Variants in ATRNL1 observed in about 807,000 individuals in gnomAD.
ATRNL1 encodes the protein attractin-like protein 1.
Under a neutral mutation model 182.7 loss-of-function variants are expected in ATRNL1, and 95 were observed. That is an observed-to-expected ratio of 0.52 (90% CI 0.44 to 0.62). The LOEUF (loss-of-function observed/expected upper bound fraction) is 0.62. Among genes scored for constraint, ATRNL1 ranks in the 20% least tolerant of loss-of-function variants. The probability of loss-of-function intolerance (pLI) is 0.00; values close to 1 mark genes in which losing one functional copy is unlikely to be tolerated. For synonymous variants in ATRNL1, 576 were observed against 568.3 expected (o/e 1.01, Z -0.19); for missense variants, 1,471 against 1,679.5 (o/e 0.88, Z 2.17).
intron 10 of ATRNL1, among the ~76,000 whole-genome samples, chr10:115,245,939 C>G (rs909643472): frequency 2.6e-5 from 4 of 152,064 alleles, no homozygotes; most frequent in African/African-American, 9.7e-5. Context: ...AGCCAACTGT[C>G]GACTGTTTTA....
intron 15 of ATRNL1, 34 bp from the exon 16 acceptor site, chr10:115,300,000 T>G: frequency 6.6e-7 from 1 of 1,512,096 alleles, no homozygotes; most frequent in Non-Finnish European, 9.1e-7. Context: ...TACATCTAAC[T>G]TTCTTTGAAT....
At chr10:115,291,727 A>G (rs1852913916) in intron 15 of ATRNL1, among the ~76,000 whole-genome samples, 2 of 144,986 alleles carry the variant, frequency 1.4e-5, no homozygotes, top group African/African-American at 5.1e-5. Context: ...CATGGTGTGT[A>G]TTGTTCTGAT....
At chr10:115,357,396 A>T (rs1286892899) in intron 19 of ATRNL1, among the ~76,000 whole-genome samples, 1 of 151,910 alleles carries the variant, frequency 6.6e-6, no homozygotes, top group Non-Finnish European at 1.5e-5. Flanking sequence ...ATTTGGACAC[A>T]CACTTTTGCA....
At chr10:115,904,598 A>C (rs1316474325) in intron 28 of ATRNL1, among the ~76,000 whole-genome samples, 1 of 152,198 alleles carries the variant, frequency 6.6e-6, no homozygotes, top group African/African-American at 2.4e-5. Context: ...CAAGGCTCAA[A>C]ATCTATTTCC....
chr10:115,933,480 A>G (rs1322950317), intron 28 of ATRNL1, among the ~76,000 whole-genome samples: 2 of 152,082 alleles, frequency 1.3e-5, no homozygotes, highest in Non-Finnish European at 2.9e-5. Flanking sequence ...GTGGCAGCCC[A>G]CTCTGCTGCC....
At chr10:115,518,044 A>G (rs1249882269) in intron 24 of ATRNL1, among the ~76,000 whole-genome samples, 2 of 151,960 alleles carry the variant, frequency 1.3e-5, no homozygotes, top group South Asian at 2.1e-4. Context: ...GCTTACATGT[A>G]CATGCCAAAG....
chr10:115,245,476 G>A (rs574441081), intron 10 of ATRNL1, among the ~76,000 whole-genome samples: 2 of 126,474 alleles, frequency 1.6e-5, no homozygotes, highest in East Asian at 2.3e-4. Context: ...TCCAGCCTGC[G>A]CAACAAGACC....
At chr10:115,520,953 A>G (rs999713589) in intron 25 of ATRNL1, among the ~76,000 whole-genome samples, 3 of 152,220 alleles carry the variant, frequency 2.0e-5, no homozygotes, top group Non-Finnish European at 4.4e-5. Flanking sequence ...TAAAAAGTGC[A>G]TTCGTACTTT....
intron 17 of ATRNL1, among the ~76,000 whole-genome samples, chr10:115,306,403 T>C (rs1419802648): frequency 6.6e-6 from 1 of 152,186 alleles, no homozygotes; most frequent in Non-Finnish European, 1.5e-5. Context: ...TTGTGGAACA[T>C]CTTTTTTATC....
At chr10:115,728,156 G>A (rs1367602039) in intron 27 of ATRNL1, among the ~76,000 whole-genome samples, 1 of 148,522 alleles carries the variant, frequency 6.7e-6, no homozygotes, top group Non-Finnish European at 1.5e-5. Context: ...TTAGCCGGGC[G>A]TGGTGGCAGG....
chr10:115,942,829 T>G (rs1434451366), intron 28 of ATRNL1, among the ~76,000 whole-genome samples: 1 of 152,168 alleles, frequency 6.6e-6, no homozygotes, highest in Admixed American at 6.5e-5. Context: ...TTGATACATT[T>G]GGTTTTACTC....
At chr10:115,829,846 A>G (rs1555093073) in intron 27 of ATRNL1, among the ~76,000 whole-genome samples, 1 of 152,172 alleles carries the variant, frequency 6.6e-6, no homozygotes, top group Non-Finnish European at 1.5e-5. Flanking sequence ...TTAGGCATTT[A>G]CAAACACAGC....
chr10:115,900,941 C>A (rs1952333683), intron 28 of ATRNL1, among the ~76,000 whole-genome samples: 1 of 152,122 alleles, frequency 6.6e-6, no homozygotes. Context: ...CACTAGTAAT[C>A]AGTGAAATGC....
At chr10:115,879,854 G>C (rs1392380472) in intron 28 of ATRNL1, among the ~76,000 whole-genome samples, 2 of 152,154 alleles carry the variant, frequency 1.3e-5, no homozygotes, top group African/African-American at 4.8e-5. Context: ...GAGCCTCGGA[G>C]AGGCTGTGGG....
intron 28 of ATRNL1, among the ~76,000 whole-genome samples, chr10:115,937,083 G>C (rs1953582747): frequency 6.6e-6 from 1 of 152,186 alleles, no homozygotes; most frequent in African/African-American, 2.4e-5. Flanking sequence ...ATTTGAGACA[G>C]TCATGATTTA....
intron 27 of ATRNL1, among the ~76,000 whole-genome samples, chr10:115,753,440 C>T (rs1555071151): frequency 1.3e-5 from 2 of 152,098 alleles, no homozygotes; most frequent in African/African-American, 4.8e-5. Flanking sequence ...GTTTTCCGTT[C>T]TCGTGTTAGT....
intron 26 of ATRNL1, among the ~76,000 whole-genome samples, chr10:115,570,673 A>G (rs1854333460): frequency 6.6e-6 from 1 of 152,184 alleles, no homozygotes; most frequent in Non-Finnish European, 1.5e-5. Flanking sequence ...TGCTTTGACC[A>G]GTCAACTGTG....
chr10:115,242,259 A>G (rs1375054992), intron 10 of ATRNL1, among the ~76,000 whole-genome samples: 1 of 152,014 alleles, frequency 6.6e-6, no homozygotes, highest in Non-Finnish European at 1.5e-5. Flanking sequence ...TGTATCTGGG[A>G]AACAACTATA....
intron 27 of ATRNL1, among the ~76,000 whole-genome samples, chr10:115,747,500 A>C (rs1555069468): frequency 6.6e-6 from 1 of 152,112 alleles, no homozygotes; most frequent in Admixed American, 6.6e-5. Context: ...CAGGAGGCTG[A>C]CTTTAACCAA....
Sources: gnomAD v4.1 joint callset for allele counts (sites outside exome capture counted in the v4.1 genomes callset) on GRCh38, gnomAD v4.1.1 for gene constraint, MANE v1.5 for transcripts, NCBI Gene and HGNC (gene_info 2026-07-23, HGNC 2026-07-21) for gene names.